Variants in RASSF8 observed in about 807,000 individuals in gnomAD.
RASSF8 encodes ras association domain-containing protein 8.
A neutral mutation model predicts 48.5 loss-of-function variants in RASSF8; 22 were observed. That is an observed-to-expected ratio of 0.45 (90% CI 0.32 to 0.65). The LOEUF (loss-of-function observed/expected upper bound fraction) is 0.65, where lower values mean the gene tolerates loss of function less well. Ranked by LOEUF, RASSF8 falls within the 30% of genes least tolerant of loss-of-function variation. The pLI is 0.03. For synonymous variants in RASSF8, 127 were observed against 171.5 expected (o/e 0.74, Z 2.03); for missense variants, 418 against 489.2 (o/e 0.85, Z 1.37).
intron 1 of RASSF8, among the ~76,000 whole-genome samples, chr12:25,974,814 C>T (rs1941567377): frequency 6.6e-6 from 1 of 151,952 alleles, no homozygotes; most frequent in Admixed American, 6.6e-5. Context: ...AGCACTCAAC[C>T]CTGAATGTAG....
intron 2 of RASSF8, among the ~76,000 whole-genome samples, chr12:26,027,065 C>G (rs1942929744): frequency 6.6e-6 from 1 of 152,118 alleles, no homozygotes; most frequent in Non-Finnish European, 1.5e-5. Flanking sequence ...AAATGAAATA[C>G]AGATATTTAC....
intron 1 of RASSF8, among the ~76,000 whole-genome samples, chr12:25,962,868 T>C (rs1245769165): frequency 6.6e-6 from 1 of 152,232 alleles, no homozygotes; most frequent in African/African-American, 2.4e-5. Flanking sequence ...CAGGTAAAAA[T>C]GCATGTAGGT....
At chr12:26,056,707 A>G (rs867731991) in intron 3 of RASSF8, among the ~76,000 whole-genome samples, 1 of 152,256 alleles carries the variant, frequency 6.6e-6, no homozygotes, top group Non-Finnish European at 1.5e-5. Flanking sequence ...TTCCTTAAAC[A>G]CTATTGCACA....
chr12:25,977,248 G>A lies in RASSF8; in HGVS notation c.-202-17789G>A, dbSNP rs116041814. On this transcript the variant is annotated intron_variant, in intron 1 of 5. Transcript: ENST00000689635. ...TCTGACTTATTACCAGTGAATGCAC[G>A]CCAGCCACGTCGTTATGGCATCACT... Among the ~76,000 whole-genome samples, 487 of 152,204 alleles carry A rather than the reference G, an allele frequency of 3.2e-3. 5 individuals are homozygous for A. Among genetic ancestry groups the A allele is most frequent in the African/African-American group, 0.011 (451 of 41,528 alleles).
Position 26,047,621 on chromosome 12 carries a change from G to A in RASSF8, c.-108-7615G>A, listed in dbSNP as rs866543318. On this transcript the variant is annotated intron_variant, in intron 2 of 5. Coordinates refer to ENST00000689635, the MANE Select transcript of RASSF8 (RefSeq NM_001394098.1). ...ATGACTGTACTAGTTGATGACCAGT[G>A]GGCTGCCAGCTATGAAAGGCGAGAC... Among the ~76,000 whole-genome samples the A allele has an allele frequency of 1.4e-4, 22 of 152,244 alleles. No individual in the cohort carries two copies. In the Middle Eastern group the frequency reaches 0.01, roughly 71 times the overall value.
At chr12:26,044,360 G>C (rs1370428833) in intron 2 of RASSF8, among the ~76,000 whole-genome samples, 5 of 152,154 alleles carry the variant, frequency 3.3e-5, no homozygotes, top group African/African-American at 1.2e-4. Flanking sequence ...GTGGAAGTCA[G>C]ATATATTAAT....
intron 1 of RASSF8, among the ~76,000 whole-genome samples, chr12:25,965,641 C>G (rs1941343806): frequency 6.6e-6 from 1 of 152,146 alleles, no homozygotes; most frequent in Non-Finnish European, 1.5e-5. Flanking sequence ...CAGGCGAGAG[C>G]CACCATGCCC....
chr12:26,036,457 A>G (rs1382985648), intron 2 of RASSF8, among the ~76,000 whole-genome samples: 1 of 152,104 alleles, frequency 6.6e-6, no homozygotes, highest in Non-Finnish European at 1.5e-5. Flanking sequence ...TATTTTTTAG[A>G]AAGTTATTTT....
At chr12:26,079,708 T>C (rs936884750) in exon 6 of RASSF8, 9 of 152,076 alleles carry the variant, frequency 5.9e-5, no homozygotes, top group Non-Finnish European at 1.2e-4. Context: ...CACAATGAGA[T>C]ACCACCTCAC....
chr12:25,975,769 A>G (rs1444963076), intron 1 of RASSF8, among the ~76,000 whole-genome samples: 1 of 152,210 alleles, frequency 6.6e-6, no homozygotes, highest in African/African-American at 2.4e-5. Context: ...CACGCTGATC[A>G]AGGACCAAAG....
At position 26,038,748 on chromosome 12, in the gene RASSF8, C is replaced by T. The variant is rs190645173; in HGVS notation, c.-108-16488C>T. ...TAGCTCCCAGTGCACAAAACTAGGA[C>T]ATTGTTTTTGTTGGTTTTATTTAAT... On this transcript the variant is annotated intron_variant, in intron 2 of 5. Transcript: ENST00000689635. 8.7e-4 allele frequency among the ~76,000 whole-genome samples: 132 copies of T among 152,022 alleles called. 1 individual carries two copies. The highest frequency in any genetic ancestry group is 3.1e-3 in the Admixed American group (48 of 15,276).
intron 2 of RASSF8, among the ~76,000 whole-genome samples, chr12:26,015,845 T>G (rs1420075988): frequency 7.8e-6 from 1 of 127,572 alleles, no homozygotes; most frequent in African/African-American, 2.7e-5. Flanking sequence ...TTCTCTTTTT[T>G]CTTTATTGAT....
At chr12:26,066,669 GAA>G (rs1943882428) in intron 4 of RASSF8, among the ~76,000 whole-genome samples, 1 of 152,152 alleles carries the variant, frequency 6.6e-6, no homozygotes, top group Non-Finnish European at 1.5e-5. Context: ...TCTACCCACT[GAA>G]AAGTGTCTGA....
chr12:26,026,124 A>G (rs1360525529), intron 2 of RASSF8, among the ~76,000 whole-genome samples: 2 of 152,230 alleles, frequency 1.3e-5, no homozygotes, highest in Non-Finnish European at 2.9e-5. Flanking sequence ...AAAAGAAAAG[A>G]TAGGTAAACA....
intron 2 of RASSF8, among the ~76,000 whole-genome samples, chr12:26,004,318 A>T: frequency 6.6e-6 from 1 of 152,238 alleles, no homozygotes. Context: ...ATTTATGCCT[A>T]CATTGTCAGT....
intron 1 of RASSF8, among the ~76,000 whole-genome samples, chr12:25,969,718 C>T (rs947739694): frequency 2.0e-5 from 3 of 152,128 alleles, no homozygotes; most frequent in Non-Finnish European, 4.4e-5. Context: ...GCCTTGTCTG[C>T]TCCCTCTTGA....
In RASSF8 at chr12:26,071,500, T is replaced by A. The variant is rs533907823; in HGVS notation, c.*2682T>A. On this transcript the variant is annotated 3_prime_UTR_variant, in exon 6 of 6. Transcript: ENST00000689635. ...CTTTTTATCTTACCAAGAAATAATTTGGAATAGCATTGGTATATTTGACCT... is the reference window on the plus strand; with the variant it reads ...CTTTTTATCTTACCAAGAAATAATTAGGAATAGCATTGGTATATTTGACCT... 2.2e-4 allele frequency: 212 copies of A among 963,942 alleles called. No homozygotes were observed. Among genetic ancestry groups the A allele is most frequent in the Middle Eastern group, 5.2e-4 (1 of 1,906 alleles). The allele number at this position is 963,942 out of a possible 1,614,324, so 59.7% of individuals were successfully genotyped here.
intron 1 of RASSF8, among the ~76,000 whole-genome samples, chr12:25,974,497 CTT>C (rs5797154): frequency 0.34 from 49,528 of 146,466 alleles, 8,318 homozygotes; most frequent in African/African-American, 0.43. Flanking sequence ...ACTAAAATAC[CTT>C]TTTTTTTTTT....
At chr12:26,037,097 G>A (rs2137137859) in intron 2 of RASSF8, among the ~76,000 whole-genome samples, 1 of 152,112 alleles carries the variant, frequency 6.6e-6, no homozygotes, top group Middle Eastern at 3.4e-3. Context: ...GTGTGAAAAA[G>A]TCTACCCAGG....
Sources: allele counts gnomAD v4.1 joint callset (sites outside exome capture counted in the v4.1 genomes callset), GRCh38; gene constraint gnomAD v4.1.1; transcripts MANE v1.5; gene names NCBI Gene and HGNC (gene_info 2026-07-23, HGNC 2026-07-21).